Variants in GAREM1 observed in about 807,000 individuals in gnomAD.
GAREM1 encodes the protein GRB2-associated and regulator of MAPK protein 1.
GAREM1 carries 26 observed loss-of-function variants against 71.3 expected under a neutral mutation model. That is an observed-to-expected ratio of 0.36 (90% CI 0.27 to 0.51). The LOEUF (loss-of-function observed/expected upper bound fraction) is 0.51. GAREM1 is among the 20% of genes least tolerant of loss of function. GAREM1 has a pLI of 0.95. For missense variants in GAREM1, 1,026 were observed against 1,103.1 expected, an observed-to-expected ratio of 0.93 and a Z score of 0.99; for synonymous variants, 440 against 433.2, an observed-to-expected ratio of 1.02 and a Z score of -0.20.
chr18:32,300,889 A>T (rs913883044), intron 3 of GAREM1, among the ~76,000 whole-genome samples: 2 of 146,126 alleles, frequency 1.4e-5, no homozygotes, highest in African/African-American at 5.2e-5. Context: ...CCGGGCAACA[A>T]GAGTGAAACT....
At chr18:32,458,002 C>T (rs1223136467) in intron 1 of GAREM1, among the ~76,000 whole-genome samples, 2 of 152,064 alleles carry the variant, frequency 1.3e-5, no homozygotes, top group African/African-American at 4.8e-5. Context: ...ACATGTGCTT[C>T]TCCCCATGTC....
intron 3 of GAREM1, among the ~76,000 whole-genome samples, chr18:32,289,445 G>T (rs908314086): frequency 6.6e-6 from 1 of 152,098 alleles, no homozygotes; most frequent in Middle Eastern, 3.4e-3. Flanking sequence ...TCATTTTTCA[G>T]TATTTATCTA....
chr18:32,362,120 C>T (rs1008421762), intron 2 of GAREM1, among the ~76,000 whole-genome samples: 4 of 152,218 alleles, frequency 2.6e-5, no homozygotes, highest in South Asian at 2.1e-4. Flanking sequence ...ATTTGTGGCC[C>T]GCACTGCTAT....
chr18:32,430,490 G>A (rs2048613226), intron 1 of GAREM1, among the ~76,000 whole-genome samples: 1 of 152,188 alleles, frequency 6.6e-6, no homozygotes, highest in Non-Finnish European at 1.5e-5. Flanking sequence ...ATATTGGAAG[G>A]AAGGGAGTCT....
At chr18:32,379,077 G>C (rs2048068110) in intron 2 of GAREM1, among the ~76,000 whole-genome samples, 1 of 152,090 alleles carries the variant, frequency 6.6e-6, no homozygotes, top group African/African-American at 2.4e-5. Flanking sequence ...CCTGTAGATG[G>C]TAGGACCTTG....
At chr18:32,404,232 C>T (rs2048345055) in intron 1 of GAREM1, among the ~76,000 whole-genome samples, 1 of 152,204 alleles carries the variant, frequency 6.6e-6, no homozygotes, top group African/African-American at 2.4e-5. Context: ...AGTTATGTAA[C>T]ATCTGTCACA....
intron 2 of GAREM1, among the ~76,000 whole-genome samples, chr18:32,389,367 G>A (rs1330214268): frequency 6.6e-6 from 1 of 152,062 alleles, no homozygotes; most frequent in Non-Finnish European, 1.5e-5. Context: ...CTTACTTAGT[G>A]GTAAACACTC....
chr18:32,292,383 A>G (rs2047096292), intron 3 of GAREM1, among the ~76,000 whole-genome samples: 1 of 152,170 alleles, frequency 6.6e-6, no homozygotes, highest in African/African-American at 2.4e-5. Flanking sequence ...CTGAATGCAA[A>G]TGGAAACAAA....
At chr18:32,358,369 C>A (rs780170527) in intron 2 of GAREM1, among the ~76,000 whole-genome samples, 3 of 151,936 alleles carry the variant, frequency 2.0e-5, no homozygotes, top group Non-Finnish European at 4.4e-5. Context: ...TCAAAAGGGG[C>A]CAGATTTTAG....
At chr18:32,328,708 T>C (rs1456301738) in intron 2 of GAREM1, among the ~76,000 whole-genome samples, 2 of 152,154 alleles carry the variant, frequency 1.3e-5, no homozygotes, top group African/African-American at 2.4e-5. Context: ...CTGGTAAAAC[T>C]GGCTCATTAT....
At chr18:32,412,527 C>T in intron 1 of GAREM1, 2 of 1,597,442 alleles carry the variant, frequency 1.3e-6, no homozygotes, top group South Asian at 2.2e-5. Context: ...TCCTCCATGA[C>T]CGAAGTTGTC....
intron 1 of GAREM1, 101 bp from the exon 2 acceptor site, chr18:32,393,136 G>T: frequency 3.7e-6 from 4 of 1,074,638 alleles, no homozygotes; most frequent in East Asian, 2.7e-5. Context: ...TAATGCAGAA[G>T]TTGACAGTTC....
Position 32,268,209 on chromosome 18 carries a change from C to T in GAREM1, c.2293G>A (p.Asp765Asn), listed in dbSNP as rs2041403237. ...ATGCCCTTTTTAACAAAATACTGGTCCTCCGAGAGATCTGGTGACCCAGAC... is the reference window on the plus strand; with the variant it reads ...ATGCCCTTTTTAACAAAATACTGGTTCTCCGAGAGATCTGGTGACCCAGAC... ...PKSGSPDLSE[D>N]QYFVKKGMQD... Residue 765 changes from aspartate (D) to asparagine (N), a missense_variant, in exon 6 of 6, where the codon GAC (aspartate) becomes AAC (asparagine). Coordinates refer to ENST00000269209, the MANE Select transcript of GAREM1 (RefSeq NM_001242409.2). 2.5e-6 allele frequency: 4 copies of T among 1,613,978 alleles called. No homozygotes were observed. In the South Asian group the frequency reaches 4.4e-5, roughly 18 times the overall value.
chr18:32,309,147 T>C (rs1428010956), intron 3 of GAREM1, among the ~76,000 whole-genome samples: 1 of 150,250 alleles, frequency 6.7e-6, no homozygotes, highest in African/African-American at 2.5e-5. Flanking sequence ...ATGTGAACAC[T>C]TTCTAAAGTG....
chr18:32,307,935 T>C (rs555992303), intron 3 of GAREM1, among the ~76,000 whole-genome samples: 7 of 152,354 alleles, frequency 4.6e-5, no homozygotes, highest in Admixed American at 4.6e-4. Context: ...TTTATTTACT[T>C]GTGTGTTTAT....
chr18:32,289,068 A>G (rs2047054189), intron 3 of GAREM1, among the ~76,000 whole-genome samples: 1 of 152,082 alleles, frequency 6.6e-6, no homozygotes, highest in Non-Finnish European at 1.5e-5. Context: ...CTACGCATAT[A>G]TTTGTTTTTT....
At chr18:32,317,517 T>C (rs2047390825) in intron 2 of GAREM1, among the ~76,000 whole-genome samples, 1 of 152,196 alleles carries the variant, frequency 6.6e-6, no homozygotes, top group East Asian at 1.9e-4. Context: ...AAGTTGCTCA[T>C]GTTTGTCTTT....
chr18:32,464,768 G>C (rs58072679), intron 1 of GAREM1, among the ~76,000 whole-genome samples: 1 of 128,794 alleles, frequency 7.8e-6, no homozygotes, highest in African/African-American at 3.1e-5. Context: ...CAACTGATCC[G>C]TATCTACTAC....
At chr18:32,352,957 A>G (rs2047766330) in intron 2 of GAREM1, among the ~76,000 whole-genome samples, 1 of 152,178 alleles carries the variant, frequency 6.6e-6, no homozygotes. Context: ...ATAAAATATA[A>G]ACAACAAAGG....
Sources: gnomAD v4.1 joint callset for allele counts (sites outside exome capture counted in the v4.1 genomes callset) on GRCh38, gnomAD v4.1.1 for gene constraint, MANE v1.5 for transcripts, NCBI Gene and HGNC (gene_info 2026-07-23, HGNC 2026-07-21) for gene names.